Variants in EXOC3 observed in about 807,000 individuals in gnomAD.
EXOC3 encodes exocyst complex component 3.
Under a neutral mutation model 73.7 loss-of-function variants are expected in EXOC3, and 21 were observed. The observed-to-expected ratio is 0.29, with a 90% CI of 0.20 to 0.41. EXOC3 has a LOEUF of 0.41. Among genes scored for constraint, EXOC3 ranks in the 10% least tolerant of loss-of-function variants. EXOC3 has a pLI of 1.00. For missense variants in EXOC3, 842 were observed against 985.1 expected (o/e 0.85, Z 1.95); for synonymous variants, 410 against 389.1 (o/e 1.05, Z -0.63).
At chr5:443,598 C>T (rs975383780) in intron 1 of EXOC3, among the ~76,000 whole-genome samples, 2 of 151,970 alleles carry the variant, frequency 1.3e-5, no homozygotes, top group African/African-American at 4.8e-5. Context: ...CCCCCACGCC[C>T]CAGGCGCTGG....
chr5:447,534 C>A lies in EXOC3; in HGVS notation c.146C>A (p.Ala49Asp). Residue 49 changes from alanine to aspartate, a missense_variant and splice_region_variant, in exon 3 of 13, where the codon GCC becomes GAC. Physicochemically the swap from Ala to Asp is moderately radical, Grantham distance 126. Coordinates refer to ENST00000512944, the MANE Select transcript of EXOC3 (RefSeq NM_007277.5). ...KKASVEARLK[A>D]AIQSQLDGVR... ...CACCCGTGTGGCGTCTCTCTTTAGG[C>A]CGCCATCCAGTCACAGTTGGACGGG... The A allele has an allele frequency of 6.4e-7, 1 of 1,555,234 alleles. No individual in the cohort carries two copies. The highest frequency in any genetic ancestry group is 8.7e-7 in the Non-Finnish European group (1 of 1,147,324).
In EXOC3 at chr5:465,152, C is replaced by T; in HGVS notation, c.1818C>T (p.Tyr606=). The change falls in exon 11 of 13, where the codon TAC becomes TAT. Residue 606 remains tyrosine, a synonymous_variant. Transcript: ENST00000512944. ...AEAHRRVVVE[Y]LRAVMQKRIS... is the part of the protein sequence containing the mutation. ...CGCACCGGCGCGTGGTGGTGGAGTA[C>T]CTGCGGGCGGTCATGCAGAAGCGCA... 2 of 1,595,810 alleles carry T rather than the reference C, an allele frequency of 1.3e-6. No individual in the cohort carries two copies. The highest frequency in any genetic ancestry group is 8.5e-7 in the Non-Finnish European group (1 of 1,172,118).
Position 446,223 on chromosome 5 carries a change from G to A in EXOC3, c.18G>A (p.Arg6=), listed in dbSNP as rs931845641. Residue 6 remains arginine (R), a synonymous_variant, in exon 2 of 13, where the codon CGG becomes CGA. Transcript: ENST00000512944. ...TTTTCACCATGAAGGAGACAGACCG[G>A]GAGGCCGTTGCGACAGCAGTGCAAA... MKETD[R]EAVATAVQRV... The A allele has an allele frequency of 1.9e-6, 3 of 1,614,002 alleles. No individual in the cohort carries two copies. The highest frequency in any genetic ancestry group is 1.1e-5 in the South Asian group (1 of 91,074).
intron 3 of EXOC3, among the ~76,000 whole-genome samples, chr5:448,346 G>A (rs1163144721): frequency 1.3e-5 from 2 of 152,238 alleles, no homozygotes; most frequent in East Asian, 3.9e-4. Flanking sequence ...CCTGGGTGGT[G>A]GCTCCCAGCA....
intron 10 of EXOC3, chr5:464,706 G>C: frequency 4.9e-6 from 2 of 408,246 alleles, no homozygotes; most frequent in Admixed American, 3.9e-5. Flanking sequence ...AGGCCCCAGG[G>C]ATTTCTTTCC....
At chr5:464,139 CGTG>C (rs1301829092) in intron 9 of EXOC3, 148 bp from the exon 10 acceptor site, 4 of 659,516 alleles carry the variant, frequency 6.1e-6, no homozygotes, top group African/African-American at 5.5e-5. Flanking sequence ...ACGCAGCTCT[CGTG>C]GGGCGTTGAG....
At chr5:453,171 T>C (rs887514906) in intron 3 of EXOC3, among the ~76,000 whole-genome samples, 199 bp from the exon 4 acceptor site, 2 of 152,254 alleles carry the variant, frequency 1.3e-5, no homozygotes, top group Non-Finnish European at 2.9e-5. Flanking sequence ...ATGACCACAG[T>C]TAACCACAGT....
chr5:448,660 C>T (rs997101147), intron 3 of EXOC3, among the ~76,000 whole-genome samples: 2 of 152,196 alleles, frequency 1.3e-5, no homozygotes, highest in Non-Finnish European at 2.9e-5. Flanking sequence ...TGACGCTGCT[C>T]GGCTCCTGAG....
intron 3 of EXOC3, among the ~76,000 whole-genome samples, chr5:450,334 A>T (rs1022679917): frequency 6.6e-6 from 1 of 152,210 alleles, no homozygotes; most frequent in East Asian, 1.9e-4. Context: ...AATTTCCACA[A>T]ATTGGTGAAT....
chr5:450,790 GT>G (rs34225129), intron 3 of EXOC3, among the ~76,000 whole-genome samples: 2,644 of 140,940 alleles, frequency 0.019, 34 homozygotes, highest in Non-Finnish European at 0.023. Context: ...TTTGTGACTA[GT>G]TTTTTTTTTT....
At position 464,279 on chromosome 5, in the gene EXOC3, C is replaced by G. The variant is rs1738071407; in HGVS notation, c.1654-11C>G. On this transcript the variant is annotated splice_polypyrimidine_tract_variant and intron_variant, in intron 9 of 12. Coordinates refer to ENST00000512944, the MANE Select transcript of EXOC3 (RefSeq NM_007277.5). ...AGGTGATGATTTCTATGATCTGTTTCTGCTTTTCAGCAACATCTGAATGAA... is the reference window on the plus strand; with the variant it reads ...AGGTGATGATTTCTATGATCTGTTTGTGCTTTTCAGCAACATCTGAATGAA... The G allele has an allele frequency of 6.2e-7, 1 of 1,612,426 alleles. No individual in the cohort carries two copies. The highest frequency in any genetic ancestry group is 1.3e-5 in the African/African-American group (1 of 74,902).
At position 462,237 on chromosome 5, in the gene EXOC3, A is replaced by G; in HGVS notation, c.1583A>G (p.Asp528Gly). 1 of 1,613,944 alleles carries G rather than the reference A, an allele frequency of 6.2e-7. No homozygotes were observed. The highest frequency in any genetic ancestry group is 8.5e-7 in the Non-Finnish European group (1 of 1,179,872). Reference sequence around the variant, plus strand: ...GTGTCTCCGAGCCAGCCCAGCATGGACGGGATTTTAGACGCCATCGCGAAG... The same window carrying G: ...GTGTCTCCGAGCCAGCCCAGCATGGGCGGGATTTTAGACGCCATCGCGAAG... ...EGVSPSQPSM[D>G]GILDAIAKEG... The change falls in exon 9 of 13, where the codon GAC becomes GGC. Residue 528 changes from aspartate (D) to glycine (G), a missense_variant. Physicochemically the swap from Asp to Gly is moderately conservative, Grantham distance 94 (BLOSUM62 -1). Coordinates refer to ENST00000512944, the MANE Select transcript of EXOC3 (RefSeq NM_007277.5).
intron 1 of EXOC3, among the ~76,000 whole-genome samples, chr5:443,961 C>T (rs1298603242): frequency 6.6e-6 from 1 of 151,554 alleles, no homozygotes; most frequent in Non-Finnish European, 1.5e-5. Context: ...CAGGTGTCCT[C>T]CAGCGGAGTG....
chr5:448,689 C>T (rs1737572294), intron 3 of EXOC3, among the ~76,000 whole-genome samples: 2 of 152,214 alleles, frequency 1.3e-5, no homozygotes, highest in South Asian at 2.1e-4. Flanking sequence ...TGAATTGGCG[C>T]GGTTCTCCCC....
At chr5:456,359 G>A (rs758863159) in intron 4 of EXOC3, among the ~76,000 whole-genome samples, 1 of 151,038 alleles carries the variant, frequency 6.6e-6, no homozygotes, top group Non-Finnish European at 1.5e-5. Context: ...TTCAGTTTGT[G>A]TTTGGTTGAG....
At chr5:452,223 CT>C (rs1273830343) in intron 3 of EXOC3, among the ~76,000 whole-genome samples, 1 of 152,180 alleles carries the variant, frequency 6.6e-6, no homozygotes, top group Non-Finnish European at 1.5e-5. Flanking sequence ...TTTCTTCAAT[CT>C]TTTTTCTTTC....
intron 4 of EXOC3, among the ~76,000 whole-genome samples, chr5:456,219 AT>A (rs1232914775): frequency 1.3e-5 from 2 of 152,310 alleles, no homozygotes; most frequent in East Asian, 3.9e-4. Context: ...ACCTGCGTAC[AT>A]TCTCCTTCAT....
At chr5:457,722 G>A in intron 5 of EXOC3, 178 bp from the exon 6 acceptor site, 2 of 603,822 alleles carry the variant, frequency 3.3e-6, no homozygotes, top group Non-Finnish European at 5.7e-6. Context: ...TGTGGTCACT[G>A]CCTCCCATGG....
chr5:444,045 T>TGGCAGAGGTGTCTGCCC (rs977547736), intron 1 of EXOC3, among the ~76,000 whole-genome samples: 1 of 151,682 alleles, frequency 6.6e-6, no homozygotes, highest in Non-Finnish European at 1.5e-5. Context: ...GGGTCCCTCC[T>TGGCAGAGGTGTCTGCCC]GGCAGAGGTG....
Sources: gnomAD v4.1 joint callset for allele counts (sites outside exome capture counted in the v4.1 genomes callset) on GRCh38, gnomAD v4.1.1 for gene constraint, MANE v1.5 for transcripts, NCBI Gene and HGNC (gene_info 2026-07-23, HGNC 2026-07-21) for gene names.